AGBL1: variants seen among roughly 807,000 people sequenced by gnomAD.
AGBL1 encodes AGBL carboxypeptidase 1.
In AGBL1, 130 loss-of-function variants were observed where a neutral mutation model predicts 118.9. The observed-to-expected ratio is 1.09, with a 90% CI of 0.95 to 1.26. The LOEUF is 1.26. Among genes scored for constraint, AGBL1 ranks in the 50% most tolerant of loss-of-function variants. AGBL1 has a pLI of 0.00. For synonymous variants in AGBL1, 555 were observed against 478.9 expected, an observed-to-expected ratio of 1.16 and a Z score of -2.08; for missense variants, 1,584 against 1,298.1, an observed-to-expected ratio of 1.22 and a Z score of -3.38.
intron 17 of AGBL1, among the ~76,000 whole-genome samples, chr15:86,310,499 C>G (rs745580022): frequency 6.6e-6 from 1 of 152,054 alleles, no homozygotes; most frequent in South Asian, 2.1e-4. Context: ...TGCCTGGATT[C>G]ACTGAGGGGA....
chr15:86,446,450 G>A (rs948982433), intron 18 of AGBL1, among the ~76,000 whole-genome samples: 1 of 152,210 alleles, frequency 6.6e-6, no homozygotes, highest in Non-Finnish European at 1.5e-5. Context: ...ATGCTCTGAA[G>A]CCAGTGTTTG....
intron 21 of AGBL1, among the ~76,000 whole-genome samples, chr15:86,649,070 G>A (rs1490092332): frequency 1.3e-5 from 2 of 152,164 alleles, no homozygotes; most frequent in Non-Finnish European, 2.9e-5. Context: ...TAGCAGAGAG[G>A]TAAAGCTTAT....
chr15:86,616,285 C>T (rs375221662), intron 21 of AGBL1, among the ~76,000 whole-genome samples: 8 of 148,772 alleles, frequency 5.4e-5, no homozygotes, highest in African/African-American at 1.5e-4. Flanking sequence ...AGCAATGAGC[C>T]GAGATAGCAC....
chr15:86,954,392 A>G (rs1198520486), intron 23 of AGBL1, among the ~76,000 whole-genome samples: 2 of 152,212 alleles, frequency 1.3e-5, no homozygotes, highest in African/African-American at 2.4e-5. Flanking sequence ...AATGACACGG[A>G]ATCAACCTAG....
intron 17 of AGBL1, among the ~76,000 whole-genome samples, chr15:86,371,955 C>T (rs1217406531): frequency 6.6e-6 from 1 of 152,168 alleles, no homozygotes; most frequent in Non-Finnish European, 1.5e-5. Context: ...CCACTTCCAT[C>T]TGGGGCGGGG....
At chr15:86,155,071 A>T (rs2077169933) in intron 4 of AGBL1, among the ~76,000 whole-genome samples, 1 of 152,318 alleles carries the variant, frequency 6.6e-6, no homozygotes, top group East Asian at 1.9e-4. Context: ...ATCATTGCTC[A>T]GTTGATATTT....
intron 1 of AGBL1, among the ~76,000 whole-genome samples, chr15:86,137,543 T>G (rs10520609): frequency 0.11 from 16,480 of 152,234 alleles, 1,083 homozygotes; most frequent in South Asian, 0.22. Flanking sequence ...GACCCAAAAT[T>G]GTGTCTTCAT....
At chr15:86,714,394 A>G (rs575616707) in intron 22 of AGBL1, among the ~76,000 whole-genome samples, 22 of 152,312 alleles carry the variant, frequency 1.4e-4, no homozygotes, top group African/African-American at 5.1e-4. Context: ...AGATCATAAG[A>G]TAAACTATCA....
chr15:86,753,128 C>T (rs577634096), intron 22 of AGBL1, among the ~76,000 whole-genome samples: 12 of 152,120 alleles, frequency 7.9e-5, no homozygotes, highest in South Asian at 2.1e-4. Flanking sequence ...CAGAGACAAA[C>T]GCATGTAGAG....
chr15:86,274,546 C>T (rs1331537557), intron 15 of AGBL1, among the ~76,000 whole-genome samples: 2 of 152,100 alleles, frequency 1.3e-5, no homozygotes, highest in African/African-American at 4.8e-5. Context: ...AATACCTTGC[C>T]GGAAGCTAAA....
chr15:86,132,574 G>C (rs1371624842), intron 1 of AGBL1, among the ~76,000 whole-genome samples: 1 of 152,152 alleles, frequency 6.6e-6, no homozygotes, highest in Non-Finnish European at 1.5e-5. Context: ...AACTGTGCTT[G>C]GGAAAGACTT....
At chr15:86,477,717 C>A (rs925385615) in intron 18 of AGBL1, among the ~76,000 whole-genome samples, 1 of 152,210 alleles carries the variant, frequency 6.6e-6, no homozygotes, top group African/African-American at 2.4e-5. Context: ...AGGGAATTCT[C>A]CCTAACTCAT....
intron 18 of AGBL1, among the ~76,000 whole-genome samples, chr15:86,437,138 G>C (rs2082009568): frequency 6.6e-6 from 1 of 151,986 alleles, no homozygotes; most frequent in South Asian, 2.1e-4. Context: ...CTTAATTTGA[G>C]GACACTGAGG....
chr15:86,708,670 G>A (rs764041514), intron 22 of AGBL1, among the ~76,000 whole-genome samples: 33 of 152,102 alleles, frequency 2.2e-4, no homozygotes, highest in Non-Finnish European at 4.6e-4. Context: ...AGACACTGAT[G>A]TTCTAAGAGG....
chr15:86,666,063 T>A (rs1037133314), intron 21 of AGBL1, among the ~76,000 whole-genome samples: 5 of 152,286 alleles, frequency 3.3e-5, no homozygotes, highest in South Asian at 4.1e-4. Flanking sequence ...TGCCATGTAT[T>A]CTTCCAGAGG....
intron 21 of AGBL1, among the ~76,000 whole-genome samples, chr15:86,608,761 ATCT>A (rs571799955): frequency 6.6e-6 from 1 of 152,186 alleles, no homozygotes; most frequent in Admixed American, 6.5e-5. Flanking sequence ...CTCAAGTCAG[ATCT>A]TCTGATTTTT....
intron 21 of AGBL1, among the ~76,000 whole-genome samples, chr15:86,611,579 T>C (rs917350872): frequency 6.6e-5 from 10 of 152,050 alleles, no homozygotes; most frequent in Admixed American, 5.9e-4. Context: ...TCCTACAAGG[T>C]GAATTGCATC....
chr15:86,371,525 A>G (rs1567222484), intron 17 of AGBL1, among the ~76,000 whole-genome samples: 1 of 152,160 alleles, frequency 6.6e-6, no homozygotes, highest in Non-Finnish European at 1.5e-5. Flanking sequence ...CATATATAGG[A>G]TATAAATAAC....
intron 22 of AGBL1, among the ~76,000 whole-genome samples, chr15:86,833,432 GA>G (rs1433185875): frequency 7.2e-5 from 11 of 152,046 alleles, no homozygotes; most frequent in Non-Finnish European, 1.6e-4. Flanking sequence ...GTAAGTCTCA[GA>G]AGATCTGACG....
Sources: allele counts gnomAD v4.1 joint callset (sites outside exome capture counted in the v4.1 genomes callset), GRCh38; gene constraint gnomAD v4.1.1; transcripts MANE v1.5; gene names NCBI Gene and HGNC (gene_info 2026-07-23, HGNC 2026-07-21).